Variants in SHROOM4 observed in about 807,000 individuals in gnomAD.
SHROOM4 encodes shroom family member 4, also known as protein Shroom4.
In SHROOM4, 17 loss-of-function variants were observed where a neutral mutation model predicts 80.3. That is an observed-to-expected ratio of 0.21 (90% CI 0.14 to 0.32). SHROOM4 has a LOEUF of 0.32. Among genes scored for constraint, SHROOM4 ranks in the 10% least tolerant of loss-of-function variants. SHROOM4 has a pLI of 1.00. For missense variants in SHROOM4, 993 were observed against 1,140.3 expected (o/e 0.87, Z 1.86); for synonymous variants, 400 against 437.5 (o/e 0.91, Z 1.07).
At chrX:50,719,688 A>G (rs185601812) in intron 1 of SHROOM4, among the ~76,000 whole-genome samples, 20 of 112,445 alleles carry the variant, frequency 1.8e-4, no homozygotes, top group Admixed American at 1.7e-3. Context: ...GGCTTGATCC[A>G]TTAAAGCCTA....
chrX:50,788,085 G>T (rs1935782320), intron 1 of SHROOM4, among the ~76,000 whole-genome samples: 1 of 111,823 alleles, frequency 8.9e-6, no homozygotes, highest in South Asian at 3.7e-4. Flanking sequence ...TTTAATTCTA[G>T]TATAAAATTT....
In SHROOM4 at chrX:50,607,676, C is replaced by T; in HGVS notation, c.3466G>A (p.Glu1156Lys). The change falls in exon 6 of 9, where the codon GAA becomes AAA. Residue 1156 changes from glutamate (E) to lysine (K), a missense_variant. Transcript: ENST00000376020. ...AAATACTGGGGTGGCAGCTCCTCTT[C>T]CTCCTCCTCTGCCTCCTCCTCCTCC... ...EEEEEEAEEE[E>K]EELPPQYFSS... is the part of the protein sequence containing the mutation. The T allele has an allele frequency of 8.3e-7, 1 of 1,200,960 alleles. No individual in the cohort carries two copies. The highest frequency in any genetic ancestry group is 1.1e-6 in the Non-Finnish European group (1 of 888,417).
intron 2 of SHROOM4, among the ~76,000 whole-genome samples, chrX:50,653,302 T>C (rs1188152339): frequency 9.0e-6 from 1 of 111,601 alleles, no homozygotes; most frequent in African/African-American, 3.3e-5. Flanking sequence ...GTTGTATTCC[T>C]AGGTATTTTA....
In SHROOM4 at chrX:50,771,248, G is replaced by C. The variant is rs1935387828; in HGVS notation, c.117+42654C>G. 3.6e-5 allele frequency among the ~76,000 whole-genome samples: 4 copies of C among 112,010 alleles called. No homozygotes were observed. The Admixed American group carries it at 3.8e-4, about 11-fold the overall frequency. On this transcript the variant is annotated intron_variant, in intron 1 of 8. Coordinates refer to ENST00000376020, the MANE Select transcript of SHROOM4 (RefSeq NM_020717.5). ...CCAGGCCTTCAGTCTTGGTTCTCTA[G>C]AGCGCAGCAGAACAACTCAGGCAGA...
intron 1 of SHROOM4, among the ~76,000 whole-genome samples, chrX:50,788,687 C>T (rs1935798634): frequency 9.0e-6 from 1 of 110,580 alleles, no homozygotes; most frequent in Non-Finnish European, 1.9e-5. Context: ...TTAATAACTA[C>T]TTTAAATATA....
intron 1 of SHROOM4, among the ~76,000 whole-genome samples, chrX:50,714,439 C>A (rs1933897486): frequency 9.0e-6 from 1 of 111,276 alleles, no homozygotes; most frequent in African/African-American, 3.3e-5. Context: ...TGAGATGTTA[C>A]CAACACAGAA....
At chrX:50,605,445 T>C (rs782128971) in intron 6 of SHROOM4, among the ~76,000 whole-genome samples, 5 of 112,625 alleles carry the variant, frequency 4.4e-5, no homozygotes, top group Non-Finnish European at 7.5e-5. Context: ...TGCAAACAAA[T>C]GTTTTCCCTT....
At chrX:50,752,496 A>G (rs781802315) in intron 1 of SHROOM4, among the ~76,000 whole-genome samples, 21 of 111,000 alleles carry the variant, frequency 1.9e-4, no homozygotes, top group South Asian at 3.8e-4. Flanking sequence ...GAAAAATACT[A>G]CTCTACCATC....
chrX:50,651,602 C>T (rs1477532516), intron 2 of SHROOM4, among the ~76,000 whole-genome samples: 1 of 111,688 alleles, frequency 9.0e-6, no homozygotes. Context: ...TGTTTTTATA[C>T]TTTACTTTCT....
intron 1 of SHROOM4, among the ~76,000 whole-genome samples, chrX:50,743,279 C>T (rs1557267377): frequency 1.8e-5 from 2 of 110,310 alleles, no homozygotes; most frequent in Admixed American, 9.8e-5. Flanking sequence ...GTTCTGGGCA[C>T]TAGTTGTGTT....
At chrX:50,647,022 T>C (rs1557258012) in intron 2 of SHROOM4, among the ~76,000 whole-genome samples, 2 of 111,357 alleles carry the variant, frequency 1.8e-5, no homozygotes, top group Non-Finnish European at 3.8e-5. Flanking sequence ...CACCTCTTTT[T>C]CCAAAGAAGG....
intron 1 of SHROOM4, among the ~76,000 whole-genome samples, chrX:50,747,347 T>C (rs923551931): frequency 8.9e-6 from 1 of 111,755 alleles, no homozygotes; most frequent in Non-Finnish European, 1.9e-5. Context: ...AAGTGCTAAT[T>C]CACATAAATG....
chrX:50,611,401 C>T (rs935680515), intron 5 of SHROOM4, among the ~76,000 whole-genome samples: 3 of 109,159 alleles, frequency 2.7e-5, no homozygotes, highest in African/African-American at 1.0e-4. Flanking sequence ...CCGCCCGCCT[C>T]GGCCTCCCCA....
Position 50,634,507 on chromosome X carries a change from C to T in SHROOM4, c.1566G>A (p.Leu522=). 1.7e-6 allele frequency: 2 copies of T among 1,211,658 alleles called. No homozygotes were observed. Among genetic ancestry groups the T allele is most frequent in the Non-Finnish European group, 2.2e-6 (2 of 895,525 alleles). The change falls in exon 4 of 9, where the codon TTG becomes TTA. Residue 522 remains leucine (L), a synonymous_variant. Coordinates refer to ENST00000376020, the MANE Select transcript of SHROOM4 (RefSeq NM_020717.5). ...CAGAGGCAGAGGGTTGCTGGTTGGC[C>T]AATTCACTGGCTGCTCTGCTTGTTC... ...PNRTSRAASE[L]ANQQPSASGS...
In SHROOM4 at chrX:50,634,817, G is replaced by A. The variant is rs782330729; in HGVS notation, c.1256C>T (p.Ser419Phe). Residue 419 changes from serine (S) to phenylalanine (F), a missense_variant, in exon 4 of 9, where the codon TCC becomes TTC. Coordinates refer to ENST00000376020, the MANE Select transcript of SHROOM4 (RefSeq NM_020717.5). The part of the protein sequence containing the change: ...RHSAPEQLLA[S>F]HLQHVHLDTR... ...ATCAAGGTGCACATGCTGCAGGTGG[G>A]ATGCCAGCAGCTGTTCAGGGGCACT... 3.3e-6 allele frequency: 4 copies of A among 1,210,895 alleles called. No individual in the cohort carries two copies. In the South Asian group the frequency reaches 7.0e-5, roughly 21 times the overall value.
chrX:50,652,086 G>C (rs191685443), intron 2 of SHROOM4, among the ~76,000 whole-genome samples: 5 of 111,751 alleles, frequency 4.5e-5, no homozygotes, highest in East Asian at 2.8e-4. Flanking sequence ...ATAATCCTTT[G>C]GGTATATATC....
chrX:50,742,956 C>T (rs782561653), intron 1 of SHROOM4, among the ~76,000 whole-genome samples: 4 of 111,518 alleles, frequency 3.6e-5, no homozygotes, highest in Non-Finnish European at 7.5e-5. Context: ...TTTATTTAAC[C>T]CATATGGACT....
intron 2 of SHROOM4, among the ~76,000 whole-genome samples, chrX:50,650,745 T>C (rs1222287163): frequency 8.9e-6 from 1 of 112,399 alleles, no homozygotes; most frequent in African/African-American, 3.2e-5. Flanking sequence ...CTGTCTGACA[T>C]ATTCTTAAAT....
Position 50,607,993 on chromosome X carries a change from G to A in SHROOM4, c.3149C>T (p.Pro1050Leu). 4 of 1,211,866 alleles carry A rather than the reference G, an allele frequency of 3.3e-6. No individual in the cohort carries two copies. Among genetic ancestry groups the A allele is most frequent in the Middle Eastern group, 2.3e-4 (1 of 4,356 alleles). The change falls in exon 6 of 9, where the codon CCC (proline) becomes CTC (leucine). Residue 1050 changes from proline (P) to leucine (L), a missense_variant. Physicochemically the swap from Pro to Leu is moderately conservative, Grantham distance 98 (BLOSUM62 -3). Transcript: ENST00000376020. ...GAAGGCACGGCTGCGCAGTGGGTGG[G>A]GCATGGAGGCAAGGGAGCTCCCCTC... ...YEEGSSLASM[P>L]HPLRSRAFSE... is the part of the protein sequence containing the mutation.
Sources: allele counts gnomAD v4.1 joint callset (sites outside exome capture counted in the v4.1 genomes callset), GRCh38; gene constraint gnomAD v4.1.1; transcripts MANE v1.5; gene names NCBI Gene and HGNC (gene_info 2026-07-23, HGNC 2026-07-21).